Variants in TTN observed in about 807,000 individuals in gnomAD.
TTN encodes connectin.
TTN carries 1,525 observed loss-of-function variants against 3,223.0 expected under a neutral mutation model. The ratio of observed to expected loss-of-function variants is 0.47; its 90% CI spans 0.45 to 0.49. The LOEUF is 0.49. TTN is among the 20% of genes least tolerant of loss of function. The probability of loss-of-function intolerance (pLI) is 0.00; values close to 1 mark genes in which losing one functional copy is unlikely to be tolerated. For synonymous variants in TTN, 14,094 were observed against 15,161.0 expected (o/e 0.93, Z 5.17); for missense variants, 40,786 against 43,424.0 (o/e 0.94, Z 5.40).
At position 178,619,907 on chromosome 2, in the gene TTN, T is replaced by C; in HGVS notation, c.46430-20A>G. The C allele has an allele frequency of 6.2e-7, 1 of 1,601,920 alleles. No individual in the cohort carries two copies. The highest frequency in any genetic ancestry group is 8.5e-7 in the Non-Finnish European group (1 of 1,176,434). ...GAATTTCTGGAAAGAAAATGTGAAATAAATACAAATATGTTTACATTTTGA... is the reference window on the plus strand; with the variant it reads ...GAATTTCTGGAAAGAAAATGTGAAACAAATACAAATATGTTTACATTTTGA... On this transcript the variant is annotated intron_variant, in intron 249 of 362. Coordinates refer to ENST00000589042, the MANE Select transcript of TTN (RefSeq NM_001267550.2).
chr2:178,603,891 C>T lies in TTN; in HGVS notation c.54796G>A (p.Ala18266Thr). 2 of 1,597,688 alleles carry T rather than the reference C, an allele frequency of 1.3e-6. No individual in the cohort carries two copies. The highest frequency in any genetic ancestry group is 1.7e-6 in the Non-Finnish European group (2 of 1,168,196). The change falls in exon 282 of 363, where the codon GCA becomes ACA. Residue 18266 changes from alanine (A) to threonine (T), a missense_variant. By Grantham distance (58) the Ala-to-Thr change is moderately conservative. Transcript: ENST00000589042. ...GCATACTTACATATGGGATCTCCTGCAACCTCTGGATCTGATGGTTCACTG... is the reference window on the plus strand; with the variant it reads ...GCATACTTACATATGGGATCTCCTGTAACCTCTGGATCTGATGGTTCACTG... ...PPSEPSDPEV[A>T]GDPIFPPGPP...
Position 178,549,190 on chromosome 2 carries a change from G to A in TTN, c.92436C>T (p.Leu30812=), listed in dbSNP as rs1698357709. The part of the protein sequence containing the change: ...GVGPASGISR[L]IKCREPVNPP... ...GGTTGACGGGCTCTCTACATTTAAT[G>A]AGTCTTGAGATGCCACTTGCAGGTC... Residue 30812 remains leucine (L), a synonymous_variant, in exon 339 of 363, where the codon CTC becomes CTT. Transcript: ENST00000589042. 2.5e-6 allele frequency: 4 copies of A among 1,613,780 alleles called. No homozygotes were observed. The highest frequency in any genetic ancestry group is 2.5e-6 in the Non-Finnish European group (3 of 1,179,838).
intron 163 of TTN, among the ~76,000 whole-genome samples, 186 bp downstream of exon 163, chr2:178,666,638 C>T (rs929082253): frequency 2.6e-5 from 4 of 151,872 alleles, no homozygotes; most frequent in African/African-American, 9.7e-5. Context: ...GTATTTTTTC[C>T]CTCTGTTGTC....
chr2:178,704,326 G>A lies in TTN; in HGVS notation c.30044C>T (p.Pro10015Leu), dbSNP rs1178694077. 4 of 1,613,846 alleles carry A rather than the reference G, an allele frequency of 2.5e-6. No homozygotes were observed. The African/African-American group carries it at 4.0e-5, about 16-fold the overall frequency. ...TCTGAACCATTCAGATTTTACATTTGGTACAGAAAATTGGCATGTCATGGT... is the reference window on the plus strand; with the variant it reads ...TCTGAACCATTCAGATTTTACATTTAGTACAGAAAATTGGCATGTCATGGT... The part of the protein sequence containing the change: ...TCTMTCQFSV[P>L]NVKSEWFRNG... Residue 10015 changes from proline to leucine, a missense_variant, in exon 106 of 363, where the codon CCA (proline) becomes CTA (leucine). Transcript: ENST00000589042.
intron 240 of TTN, chr2:178,628,688 G>A (rs540150506): frequency 7.9e-5 from 12 of 152,188 alleles, no homozygotes; most frequent in Admixed American, 2.6e-4. Context: ...ATCCACATAT[G>A]TGGATAACCA....
intron 4 of TTN, among the ~76,000 whole-genome samples, chr2:178,800,158 A>G (rs2093986332): frequency 6.6e-6 from 1 of 152,230 alleles, no homozygotes; most frequent in Admixed American, 6.5e-5. Flanking sequence ...GGAAATGTAG[A>G]TCACTTAATT....
Position 178,611,114 on chromosome 2 carries a change from A to T in TTN, c.51015T>A (p.Asn17005Lys), listed in dbSNP as rs752077995. The change falls in exon 270 of 363, where the codon AAT becomes AAA. Residue 17005 changes from asparagine (N) to lysine (K), a missense_variant. Physicochemically the swap from Asn to Lys is moderately conservative, Grantham distance 94 (BLOSUM62 0). Transcript: ENST00000589042. Reference sequence around the variant, plus strand: ...CTTCAAGGTGTGCAGAGATGTGATCATTCTTCATTGTTAATCTATCACTTG... The same window carrying T: ...CTTCAAGGTGTGCAGAGATGTGATCTTTCTTCATTGTTAATCTATCACTTG... ...VKASDRLTMKNDHISAHLEVP... is the reference protein window; with the variant it reads ...VKASDRLTMKKDHISAHLEVP... 4 of 1,612,866 alleles carry T rather than the reference A, an allele frequency of 2.5e-6. No homozygotes were observed. Among genetic ancestry groups the T allele is most frequent in the African/African-American group, 2.7e-5 (2 of 74,970 alleles).
At chr2:178,631,807 A>C (rs72650085) in intron 236 of TTN, among the ~76,000 whole-genome samples, 3,538 of 152,222 alleles carry the variant, frequency 0.023, 76 homozygotes, top group East Asian at 0.095. Flanking sequence ...TCTTATGGGA[A>C]ACTTGAAAAA....
chr2:178,528,738 A>G lies in TTN; in HGVS notation c.107013T>C (p.Asp35671=). Residue 35671 remains aspartate, a synonymous_variant, in exon 360 of 363, where the codon GAT becomes GAC. Transcript: ENST00000589042. ...TGCTTATGCAGGTGAGGATTCCTTCATCTCTGTGACTGGCTTGCTTGATGG... is the reference window on the plus strand; with the variant it reads ...TGCTTATGCAGGTGAGGATTCCTTCGTCTCTGTGACTGGCTTGCTTGATGG... ...TLTIKQASHR[D]EGILTCISKT... is the part of the protein sequence containing the mutation. 6.2e-7 allele frequency: 1 copy of G among 1,613,278 alleles called. No homozygotes were observed. The highest frequency in any genetic ancestry group is 1.1e-5 in the South Asian group (1 of 91,008).
At position 178,579,392 on chromosome 2, in the gene TTN, C is replaced by T; in HGVS notation, c.67638G>A (p.Val22546=). Residue 22546 remains valine, a splice_region_variant and synonymous_variant, in exon 320 of 363, where the codon GTG becomes GTA. Coordinates refer to ENST00000589042, the MANE Select transcript of TTN (RefSeq NM_001267550.2). ...GACCCTTTAAGTCAAGATCAGGAGC[C>T]ACTGTAAAATAGCAGAGATAAATTA... The part of the protein sequence containing the change: ...EITVVARDDV[V]APDLDLKGLP... The T allele has an allele frequency of 1.9e-6, 3 of 1,561,940 alleles. No homozygotes were observed. Among genetic ancestry groups the T allele is most frequent in the Non-Finnish European group, 1.7e-6 (2 of 1,161,966 alleles).
In TTN at chr2:178,778,050, T is replaced by C. The variant is rs2092416040; in HGVS notation, c.4209-75A>G. 8 of 1,538,122 alleles carry C rather than the reference T, an allele frequency of 5.2e-6. No individual in the cohort carries two copies. The African/African-American group carries it at 8.2e-5, about 16-fold the overall frequency. ...GCAAAACAAACTTCATTTTGTCTTA[T>C]TCATTATTCATGTTATTTTAGAATT... On this transcript the variant is annotated intron_variant, in intron 24 of 362. Transcript: ENST00000589042.
At chr2:178,554,286 G>A (rs541836895) in intron 332 of TTN, 70 bp from the exon 333 acceptor site, 74 of 1,464,942 alleles carry the variant, frequency 5.1e-5, no homozygotes, top group Non-Finnish European at 6.2e-5. Flanking sequence ...TTTGATGTTC[G>A]CATTCTTTCC....
In TTN at chr2:178,631,138, C is replaced by A; in HGVS notation, c.43910G>T (p.Gly14637Val). ...PSKNAVIKAD[G>V]KKRMLILKKA... ...CTTTAGGATTAGCATGCGTTTCTTG[C>A]CATCTGCCTTAATAACAGCATTTTT... The change falls in exon 237 of 363, where the codon GGC becomes GTC. Residue 14637 changes from glycine (G) to valine (V), a missense_variant. Transcript: ENST00000589042. 1 of 1,613,304 alleles carries A rather than the reference C, an allele frequency of 6.2e-7. No homozygotes were observed. Among genetic ancestry groups the A allele is most frequent in the Non-Finnish European group, 8.5e-7 (1 of 1,179,588 alleles).
Position 178,554,055 on chromosome 2 carries a change from C to G in TTN, c.89056G>C (p.Glu29686Gln). The G allele has an allele frequency of 6.2e-7, 1 of 1,613,852 alleles. No individual in the cohort carries two copies. The highest frequency in any genetic ancestry group is 8.5e-7 in the Non-Finnish European group (1 of 1,179,822). Residue 29686 changes from glutamate (E) to glutamine (Q), a missense_variant, in exon 333 of 363, where the codon GAG becomes CAG. Transcript: ENST00000589042. ...KSLGWFKVLKETIRDTRQKVT... is the reference protein window; with the variant it reads ...KSLGWFKVLKQTIRDTRQKVT... ...TTTTGTCTGGTGTCACGGATAGTCT[C>G]TTTTAGTACTTTAAACCATCCTAGG...
rs866868965 is a variant in TTN, at chr2:178,574,287, C to T, written c.71845G>A (p.Glu23949Lys). Reference sequence around the variant, plus strand: ...GTAATTTTAAAGCCCCCAGTATATTCAGGCTTAGCCCATTTAAGTGTTACT... The same window carrying T: ...GTAATTTTAAAGCCCCCAGTATATTTAGGCTTAGCCCATTTAAGTGTTACT... ...HTVTLKWAKP[E>K]YTGGFKITSY... is the part of the protein sequence containing the mutation. Residue 23949 changes from glutamate to lysine, a missense_variant, in exon 326 of 363, where the codon GAA (glutamate) becomes AAA (lysine). Transcript: ENST00000589042. 3.1e-6 allele frequency: 5 copies of T among 1,613,128 alleles called. No homozygotes were observed. The African/African-American group carries it at 4.0e-5, about 13-fold the overall frequency.
rs987167890 is a variant in TTN at position 178,685,260 on chromosome 2, C to T, written c.32463G>A (p.Pro10821=). The T allele has an allele frequency of 7.1e-6, 11 of 1,545,550 alleles. No homozygotes were observed. Among genetic ancestry groups the T allele is most frequent in the Middle Eastern group, 3.5e-4 (2 of 5,794 alleles). ...CTTTGAAAGAAATCATACCTTTAGC[C>T]GGTGGAGGCTCCTCTATTTTAGCAG... ...KIPAKIEEPP[P]AKVPEAPKKI... Residue 10821 remains proline (P), a synonymous_variant, in exon 129 of 363, where the codon CCG becomes CCA. Coordinates refer to ENST00000589042, the MANE Select transcript of TTN (RefSeq NM_001267550.2).
Position 178,740,117 on chromosome 2 carries a change from TA to T in TTN, c.13115del (p.Val4372AspfsTer22), listed in dbSNP as rs2154317965. On this transcript the variant is annotated frameshift_variant, in exon 48 of 363. Transcript: ENST00000589042. LOFTEE classifies it high-confidence loss of function. Reference protein sequence around the residue: ...EPVAIKKVQEVQGRDLLSKES... With the variant: ...EPVAIKKVQEXQGRDLLSKES... ...CCTTAGAAAGAAGGTCCCTTCCCTG[TA>T]CCTCCTGCACTTTCTTTATTGCCAC... 6.2e-7 allele frequency: 1 copy of T among 1,613,870 alleles called. No individual in the cohort carries two copies. The highest frequency in any genetic ancestry group is 8.5e-7 in the Non-Finnish European group (1 of 1,179,816).
Position 178,539,888 on chromosome 2 carries a change from A to G in TTN, c.98177T>C (p.Ile32726Thr), listed in dbSNP as rs758088774. The G allele has an allele frequency of 5.6e-6, 9 of 1,613,768 alleles. No individual in the cohort carries two copies. Among genetic ancestry groups the G allele is most frequent in the South Asian group, 1.1e-5 (1 of 91,082 alleles). ...TGGGAATGGTTTTCCTTTGATTGGT[A>G]TGGTAAGTCTGATGACGCCACCTTG... ...VRQGGVIRLTIPIKGKPFPIC... is the reference protein window; with the variant it reads ...VRQGGVIRLTTPIKGKPFPIC... The change falls in exon 352 of 363, where the codon ATA (isoleucine) becomes ACA (threonine). Residue 32726 changes from isoleucine (I) to threonine (T), a missense_variant. By Grantham distance (89) the Ile-to-Thr change is moderately conservative. Coordinates refer to ENST00000589042, the MANE Select transcript of TTN (RefSeq NM_001267550.2).
At chr2:178,630,059 T>C (rs948729675) in intron 239 of TTN, among the ~76,000 whole-genome samples, 182 bp downstream of exon 239, 1 of 152,064 alleles carries the variant, frequency 6.6e-6, no homozygotes, top group African/African-American at 2.4e-5. Flanking sequence ...CAACAAAATT[T>C]CCAAAACTTT....
Sources: allele counts gnomAD v4.1 joint callset (sites outside exome capture counted in the v4.1 genomes callset), GRCh38; gene constraint gnomAD v4.1.1; transcripts MANE v1.5; gene names NCBI Gene and HGNC (gene_info 2026-07-23, HGNC 2026-07-21).